UMAD1: variants seen among roughly 807,000 people sequenced by gnomAD.
The protein encoded by UMAD1 is UBAP1-MVB12-associated (UMA) domain containing 1.
Under a neutral mutation model 6.1 loss-of-function variants are expected in UMAD1, and 8 were observed. The observed-to-expected ratio is 1.30, with a 90% confidence interval of 0.76 to 2.35. The LOEUF is 2.35. UMAD1 is among the 30% of genes most tolerant of loss of function. The pLI is 0.00. For synonymous variants in UMAD1, 56 were observed against 31.4 expected, an observed-to-expected ratio of 1.78 and a Z score of -2.61; for missense variants, 130 against 78.4, an observed-to-expected ratio of 1.66 and a Z score of -2.49.
intron 2 of UMAD1, among the ~76,000 whole-genome samples, chr7:7,705,728 A>G (rs1780582144): frequency 6.6e-6 from 1 of 152,222 alleles, no homozygotes; most frequent in Non-Finnish European, 1.5e-5. Context: ...ACATGTCATT[A>G]TAAATTTGTC....
chr7:7,745,627 A>G (rs1490262711), intron 2 of UMAD1, among the ~76,000 whole-genome samples: 1 of 152,254 alleles, frequency 6.6e-6, no homozygotes, highest in African/African-American at 2.4e-5. Flanking sequence ...CTGAGTTGTC[A>G]GGAAAATCAC....
At chr7:7,723,139 G>A (rs927224281) in intron 2 of UMAD1, among the ~76,000 whole-genome samples, 7 of 152,196 alleles carry the variant, frequency 4.6e-5, no homozygotes, top group Admixed American at 3.9e-4. Flanking sequence ...TAAAGTCCTG[G>A]TGGGCCCCTA....
intron 2 of UMAD1, among the ~76,000 whole-genome samples, chr7:7,708,905 G>A (rs1415025405): frequency 6.6e-6 from 1 of 151,888 alleles, no homozygotes; most frequent in Non-Finnish European, 1.5e-5. Flanking sequence ...CCAGCAAGGG[G>A]TGTGTGTTTG....
chr7:7,696,360 A>G (rs1164761371), intron 2 of UMAD1, among the ~76,000 whole-genome samples: 3 of 151,968 alleles, frequency 2.0e-5, no homozygotes, highest in Non-Finnish European at 4.4e-5. Flanking sequence ...CGATAAAGAC[A>G]ATTTGTAAAA....
At chr7:7,831,582 A>G (rs1047581570) in intron 3 of UMAD1, among the ~76,000 whole-genome samples, 1 of 152,080 alleles carries the variant, frequency 6.6e-6, no homozygotes, top group Non-Finnish European at 1.5e-5. Context: ...ACGTGAACCA[A>G]GCTCCCCATT....
chr7:7,856,946 AT>A (rs1784030232), intron 3 of UMAD1, among the ~76,000 whole-genome samples: 1 of 152,236 alleles, frequency 6.6e-6, no homozygotes, highest in African/African-American at 2.4e-5. Flanking sequence ...TCTACTCAGA[AT>A]TTAAAAAATT....
Position 7,801,721 on chromosome 7 carries a change from TAGA to T in UMAD1, c.135_137del (p.Ile45_Glu46delinsMet). 1 of 718,106 alleles carries T rather than the reference TAGA, an allele frequency of 1.4e-6. No homozygotes were observed. Among genetic ancestry groups the T allele is most frequent in the Non-Finnish European group, 2.6e-6 (1 of 385,214 alleles). The allele number at this position is 718,106 out of a possible 1,614,324, so 44.5% of individuals were successfully genotyped here. Reference sequence around the variant, plus strand: ...ACAGCAAGAGGCAAAACTTCGGACATAGAGGCCAACCAACCTTTGGAGGTAAGT... The same window carrying T: ...ACAGCAAGAGGCAAAACTTCGGACATGGCCAACCAACCTTTGGAGGTAAGT... On this transcript the variant is annotated inframe_deletion, in exon 3 of 4. Transcript: ENST00000682710.
At position 7,863,524 on chromosome 7, in the gene UMAD1, A is replaced by T. The variant is rs372234881; in HGVS notation, c.157-13757A>T. Among the ~76,000 whole-genome samples, 12 of 152,230 alleles carry T rather than the reference A, an allele frequency of 7.9e-5. No individual in the cohort carries two copies. In the East Asian group the frequency reaches 1.5e-3, roughly 20 times the overall value. On this transcript the variant is annotated intron_variant, in intron 3 of 3. Transcript: ENST00000682710. ...TAAACCCTTAGTTTGTTATATTTTA[A>T]ATTTCCAGATCATTTAACATTTGCT... is the stretch of plus-strand genomic sequence containing the variant.
chr7:7,713,242 G>T (rs1169459521), intron 2 of UMAD1, among the ~76,000 whole-genome samples: 1 of 152,114 alleles, frequency 6.6e-6, no homozygotes, highest in African/African-American at 2.4e-5. Context: ...TACTCAGGAG[G>T]CTGAGGCAGG....
chr7:7,789,624 T>TCC (rs59147666), intron 2 of UMAD1, among the ~76,000 whole-genome samples: 25 of 147,006 alleles, frequency 1.7e-4, no homozygotes, highest in African/African-American at 6.2e-4. Flanking sequence ...CCTTCTCCCC[T>TCC]CCCCACAGAC....
chr7:7,777,949 C>G (rs904853728), intron 2 of UMAD1, among the ~76,000 whole-genome samples: 20 of 152,168 alleles, frequency 1.3e-4, no homozygotes, highest in African/African-American at 4.8e-4. Context: ...TAGTGAAAGC[C>G]TTTGCTCTCC....
intron 1 of UMAD1, among the ~76,000 whole-genome samples, chr7:7,644,173 C>T (rs911291241): frequency 6.6e-6 from 1 of 152,114 alleles, no homozygotes; most frequent in Non-Finnish European, 1.5e-5. Flanking sequence ...TTTGCACTCC[C>T]TGATTACTGA....
At chr7:7,713,267 C>A (rs1780811767) in intron 2 of UMAD1, among the ~76,000 whole-genome samples, 1 of 152,022 alleles carries the variant, frequency 6.6e-6, no homozygotes, top group South Asian at 2.1e-4. Flanking sequence ...TCACTTGAAC[C>A]CAGGAGGCGG....
At chr7:7,785,958 C>G (rs1266056152) in intron 2 of UMAD1, among the ~76,000 whole-genome samples, 4 of 152,200 alleles carry the variant, frequency 2.6e-5, no homozygotes, top group East Asian at 3.8e-4. Context: ...ATCATCCTAA[C>G]TACTCCTCTC....
rs540499603 is a variant in UMAD1 at position 7,773,200 on chromosome 7, G to C, written c.83-28470G>C. On this transcript the variant is annotated intron_variant, in intron 2 of 3. Transcript: ENST00000682710. ...CATTAACTTTAATGCATTTTAAAAA[G>C]TGACCTACTTTTATAATAAAGTTGT... is the stretch of plus-strand genomic sequence containing the variant. Among the ~76,000 whole-genome samples, 6 of 152,288 alleles carry C rather than the reference G, an allele frequency of 3.9e-5. No homozygotes were observed. The East Asian group carries it at 1.2e-3, about 29-fold the overall frequency.
intron 1 of UMAD1, among the ~76,000 whole-genome samples, chr7:7,644,903 C>T (rs921070182): frequency 6.6e-6 from 1 of 152,170 alleles, no homozygotes; most frequent in Non-Finnish European, 1.5e-5. Context: ...GGATGTATTT[C>T]AGGAAAAGTA....
At chr7:7,729,909 T>C (rs1781214425) in intron 2 of UMAD1, among the ~76,000 whole-genome samples, 1 of 152,226 alleles carries the variant, frequency 6.6e-6, no homozygotes, top group Non-Finnish European at 1.5e-5. Context: ...GTTCACTGAA[T>C]TCATTGACAG....
intron 3 of UMAD1, among the ~76,000 whole-genome samples, chr7:7,861,172 TG>T (rs776327943): frequency 5.3e-5 from 8 of 152,212 alleles, no homozygotes; most frequent in Non-Finnish European, 1.2e-4. Context: ...AGAGTAGTGA[TG>T]GTTGCACAAC....
intron 2 of UMAD1, among the ~76,000 whole-genome samples, chr7:7,768,433 A>G (rs985519765): frequency 6.6e-6 from 1 of 152,140 alleles, no homozygotes; most frequent in African/African-American, 2.4e-5. Flanking sequence ...TCTGAACTCC[A>G]CACACTGTTC....
Sources: allele counts gnomAD v4.1 joint callset (sites outside exome capture counted in the v4.1 genomes callset), GRCh38; gene constraint gnomAD v4.1.1; transcripts MANE v1.5; gene names NCBI Gene and HGNC (gene_info 2026-07-23, HGNC 2026-07-21).